The following ASTN1 variants were observed in gnomAD, a reference collection of about 807,000 sequenced individuals.
The protein encoded by ASTN1 is astrotactin 1.
In ASTN1, 41 loss-of-function variants were observed where a neutral mutation model predicts 140.7. The ratio of observed to expected loss-of-function variants is 0.29; its 90% CI spans 0.23 to 0.38. The LOEUF (loss-of-function observed/expected upper bound fraction) is 0.38, where lower values mean the gene tolerates loss of function less well. ASTN1 is among the 10% of genes least tolerant of loss of function. The pLI, the probability that ASTN1 is intolerant of heterozygous loss-of-function variation, is 1.00. For synonymous variants in ASTN1, 640 were observed against 652.2 expected (o/e 0.98, Z 0.29); for missense variants, 1,479 against 1,678.8 (o/e 0.88, Z 2.08).
intron 16 of ASTN1, among the ~76,000 whole-genome samples, chr1:176,916,192 G>C (rs1317854546): frequency 6.6e-6 from 1 of 152,300 alleles, no homozygotes; most frequent in East Asian, 1.9e-4. Flanking sequence ...GGATTGAGGT[G>C]CTTCTCCTTG....
chr1:176,960,770 C>A (rs1299404853), intron 9 of ASTN1, among the ~76,000 whole-genome samples: 1 of 152,180 alleles, frequency 6.6e-6, no homozygotes, highest in Non-Finnish European at 1.5e-5. Flanking sequence ...GATTTTCTCA[C>A]CTCTTTGCTT....
chr1:176,945,809 C>A, intron 13 of ASTN1, 117 bp downstream of exon 13: 5 of 1,055,588 alleles, frequency 4.7e-6, no homozygotes, highest in Non-Finnish European at 5.4e-6. Context: ...TAGTCTATCC[C>A]TTTAGACATA....
intron 8 of ASTN1, among the ~76,000 whole-genome samples, chr1:176,992,442 A>G (rs1674229630): frequency 6.6e-6 from 1 of 150,942 alleles, no homozygotes; most frequent in Admixed American, 6.6e-5. Flanking sequence ...TGAACGTTGT[A>G]AAAAAAAATG....
At chr1:177,027,425 C>T (rs1049181765) in intron 5 of ASTN1, among the ~76,000 whole-genome samples, 2 of 151,840 alleles carry the variant, frequency 1.3e-5, no homozygotes, top group Admixed American at 1.3e-4. Context: ...AATCCAGCAT[C>T]TCTACCTGGT....
chr1:176,963,344 G>A (rs1046057132), intron 9 of ASTN1, among the ~76,000 whole-genome samples: 2 of 152,144 alleles, frequency 1.3e-5, no homozygotes, highest in African/African-American at 2.4e-5. Flanking sequence ...TAGAGTGGTC[G>A]TTGGTAGGTG....
In ASTN1 at chr1:176,863,838, G is replaced by C; in HGVS notation, c.*446C>G. ...GAGACGCTTCCTGAGGAATGCTTGA[G>C]GGTGGGGCCTGCGGCAGGCCTAACA... On this transcript the variant is annotated 3_prime_UTR_variant, in exon 23 of 23. Transcript: ENST00000361833. 1.0e-6 allele frequency: 1 copy of C among 997,844 alleles called. No homozygotes were observed. The highest frequency in any genetic ancestry group is 1.2e-6 in the Non-Finnish European group (1 of 836,552). 61.8% of individuals were successfully genotyped at this position (997,844 alleles called of 1,614,324 possible). A position where few individuals can be genotyped will look rare whatever the true frequency, so the allele number is the denominator to read the frequency against.
rs114881613 is a variant in ASTN1 at position 176,977,533 on chromosome 1, G to A, written c.1524-12296C>T. Among the ~76,000 whole-genome samples, 874 of 152,308 alleles carry A rather than the reference G, an allele frequency of 5.7e-3. 6 individuals carry two copies. Among genetic ancestry groups the A allele is most frequent in the African/African-American group, 0.019 (792 of 41,572 alleles). On this transcript the variant is annotated intron_variant, in intron 8 of 22. Transcript: ENST00000361833. ...GGGTCCTTGTCCTGGATCAGGAGCC[G>A]ATGAAACAAGGATGGCAAGTAGAGA... is the stretch of plus-strand genomic sequence containing the variant.
At chr1:176,889,003 C>T (rs1669154573) in intron 17 of ASTN1, among the ~76,000 whole-genome samples, 1 of 152,158 alleles carries the variant, frequency 6.6e-6, no homozygotes, top group South Asian at 2.1e-4. Context: ...CGAATAAATG[C>T]CAGCAATTAT....
rs571289822 is a variant in ASTN1 at position 177,136,887 on chromosome 1, AT to A, written c.283+27506del. 3.0e-4 allele frequency among the ~76,000 whole-genome samples: 46 copies of A among 152,288 alleles called. 1 individual carries two copies. The highest frequency in any genetic ancestry group is 1.0e-3 in the African/African-American group (42 of 41,554). ...TTCTGCTTTAAAGAAATTAAAAATA[AT>A]TTTCCAAGGGTTTCCCAACCTCAGC... On this transcript the variant is annotated intron_variant, in intron 1 of 22. Coordinates refer to ENST00000361833, the MANE Select transcript of ASTN1 (RefSeq NM_004319.3).
intron 1 of ASTN1, among the ~76,000 whole-genome samples, chr1:177,094,554 T>C (rs1679929992): frequency 6.6e-6 from 1 of 152,174 alleles, no homozygotes; most frequent in Admixed American, 6.5e-5. Context: ...CAACACCAAA[T>C]GTGCTAGTGG....
intron 8 of ASTN1, among the ~76,000 whole-genome samples, chr1:177,009,725 T>C (rs1316557220): frequency 1.3e-5 from 2 of 152,202 alleles, no homozygotes; most frequent in Non-Finnish European, 2.9e-5. Context: ...GCAGGCAGTG[T>C]AAGGAAGAAG....
rs1292898304 is a variant in ASTN1, at chr1:176,864,274, C to T, written c.*10G>A. 9 of 1,612,946 alleles carry T rather than the reference C, an allele frequency of 5.6e-6. No homozygotes were observed. The East Asian group carries it at 1.6e-4, about 28-fold the overall frequency. On this transcript the variant is annotated 3_prime_UTR_variant, in exon 23 of 23. Coordinates refer to ENST00000361833, the MANE Select transcript of ASTN1 (RefSeq NM_004319.3). ...CTTCATTCTGGCAGCAGCTCCCTGG[C>T]CTTATGGTGCTAGATCTCTTTGCTG...
intron 1 of ASTN1, among the ~76,000 whole-genome samples, chr1:177,132,656 G>T (rs969292841): frequency 6.6e-6 from 1 of 152,094 alleles, no homozygotes; most frequent in African/African-American, 2.4e-5. Context: ...ATCTACCTGG[G>T]ACTGAACTCC....
At chr1:177,049,870 G>C (rs1476120182) in intron 2 of ASTN1, among the ~76,000 whole-genome samples, 1 of 152,212 alleles carries the variant, frequency 6.6e-6, no homozygotes, top group Admixed American at 6.5e-5. Context: ...CAGAGGCCGA[G>C]GCTGTTCACT....
chr1:176,974,914 T>C (rs2101869595), intron 8 of ASTN1, among the ~76,000 whole-genome samples: 1 of 152,214 alleles, frequency 6.6e-6, no homozygotes, highest in Non-Finnish European at 1.5e-5. Context: ...AGTCAGAGAA[T>C]AAGAAAGTGA....
In ASTN1 at chr1:177,024,712, C is replaced by T; in HGVS notation, c.1141G>A (p.Val381Met). Residue 381 changes from valine (V) to methionine (M), a missense_variant, in exon 6 of 23, where the codon GTG (valine) becomes ATG (methionine). Physicochemically the swap from Val to Met is conservative, Grantham distance 21 (BLOSUM62 1). This residue lies in a region of ASTN1 where 729 missense variants were observed against 860.4 expected (regional missense o/e 0.85). Coordinates refer to ENST00000361833, the MANE Select transcript of ASTN1 (RefSeq NM_004319.3). ...ATCAGGGTCAAGGTGGTCTTATTCA[C>T]AGGACTTCGGGGAGAACCCACTGAA... ...RSRVGSPRSP[V>M]NKTTLTLISI... The T allele has an allele frequency of 6.2e-7, 1 of 1,613,962 alleles. No individual in the cohort carries two copies. The highest frequency in any genetic ancestry group is 8.5e-7 in the Non-Finnish European group (1 of 1,179,886).
At chr1:177,136,330 T>C in intron 1 of ASTN1, among the ~76,000 whole-genome samples, 1 of 150,864 alleles carries the variant, frequency 6.6e-6, no homozygotes, top group East Asian at 1.9e-4. Flanking sequence ...CGTAACTGTG[T>C]TTTTTGTTTT....
At chr1:176,928,501 G>A (rs966226459) in intron 16 of ASTN1, among the ~76,000 whole-genome samples, 1 of 152,180 alleles carries the variant, frequency 6.6e-6, no homozygotes, top group Non-Finnish European at 1.5e-5. Context: ...AGAGCTGTGA[G>A]AGCATAAAAT....
intron 11 of ASTN1, among the ~76,000 whole-genome samples, chr1:176,950,104 A>G (rs1672135148): frequency 6.6e-6 from 1 of 152,222 alleles, no homozygotes; most frequent in South Asian, 2.1e-4. Flanking sequence ...CAAAGAGAAT[A>G]TCTAAGAAGG....
Sources: allele counts gnomAD v4.1 joint callset (sites outside exome capture counted in the v4.1 genomes callset), GRCh38; gene constraint gnomAD v4.1.1; regional missense constraint gnomAD v4.1.1; transcripts MANE v1.5; gene names NCBI Gene and HGNC (gene_info 2026-07-23, HGNC 2026-07-21).